The following TLCD4 variants were observed in gnomAD, a reference collection of about 807,000 sequenced individuals.
TLCD4 encodes the protein TLC domain-containing protein 4.
Under a neutral mutation model 24.2 loss-of-function variants are expected in TLCD4, and 7 were observed. The observed-to-expected ratio is 0.29, with a 90% CI of 0.16 to 0.54. The LOEUF is 0.54. TLCD4 is among the 20% of genes least tolerant of loss of function. The pLI is 0.95. For synonymous variants in TLCD4, 103 were observed against 106.4 expected, an observed-to-expected ratio of 0.97 and a Z score of 0.20; for missense variants, 259 against 313.9, an observed-to-expected ratio of 0.82 and a Z score of 1.32.
At chr1:95,122,550 G>A (rs2100902151) in intron 1 of TLCD4, among the ~76,000 whole-genome samples, 2 of 152,208 alleles carry the variant, frequency 1.3e-5, no homozygotes, top group South Asian at 4.1e-4. Flanking sequence ...TTCCTCAGCT[G>A]TCTGGTATTT....
chr1:95,157,782 A>G (rs1381440130), intron 5 of TLCD4, among the ~76,000 whole-genome samples: 4 of 152,242 alleles, frequency 2.6e-5, no homozygotes, highest in African/African-American at 9.6e-5. Flanking sequence ...CAAGAGACCC[A>G]GGAGGAAGCC....
rs976255640 is a variant in TLCD4 at position 95,195,632 on chromosome 1, G to A, written c.*3764G>A. ...TCTCAGGTGCGAGCCAGCATACAGC[G>A]AGACCCTTCATGTGTCTCTGGATGC... is the stretch of plus-strand genomic sequence containing the variant. On this transcript the variant is annotated 3_prime_UTR_variant, in exon 7 of 7. Coordinates refer to ENST00000370203, the MANE Select transcript of TLCD4 (RefSeq NM_152487.3). 2.6e-5 allele frequency: 4 copies of A among 152,112 alleles called. No homozygotes were observed. Among genetic ancestry groups the A allele is most frequent in the Admixed American group, 2.0e-4 (3 of 15,264 alleles). 9.4% of individuals were successfully genotyped at this position (152,112 alleles called of 1,614,324 possible). A position where few individuals can be genotyped will look rare whatever the true frequency, so the allele number is the denominator to read the frequency against.
chr1:95,129,540 G>A (rs552101749), intron 1 of TLCD4, among the ~76,000 whole-genome samples: 3 of 152,130 alleles, frequency 2.0e-5, no homozygotes, highest in African/African-American at 7.2e-5. Flanking sequence ...TCAAGAGTTC[G>A]AGACCAACCT....
rs1042105911 is a variant in TLCD4, at chr1:95,158,192, T to TC, written c.399+6773_399+6774insC. Among the ~76,000 whole-genome samples, 13 of 147,782 alleles carry TC rather than the reference T, an allele frequency of 8.8e-5. 1 individual carries two copies. The highest frequency in any genetic ancestry group is 3.2e-4 in the African/African-American group (13 of 40,630). On this transcript the variant is annotated intron_variant, in intron 5 of 6. Coordinates refer to ENST00000370203, the MANE Select transcript of TLCD4 (RefSeq NM_152487.3). ...CCCCTTGATACTTAATTTTTTCTTT[T>TC]TTTTTTTTTTTTTGAGACAGAGTCT... is the stretch of plus-strand genomic sequence containing the variant.
At chr1:95,117,113 T>C (rs1471505227), upstream of TLCD4, among the ~76,000 whole-genome samples, 3 of 152,194 alleles carry the variant, frequency 2.0e-5, no homozygotes, top group Non-Finnish European at 2.9e-5. Flanking sequence ...GTTCCCCCGC[T>C]GGCAAGTTTT....
chr1:95,189,617 T>C (rs938317138), intron 6 of TLCD4, among the ~76,000 whole-genome samples: 2 of 152,244 alleles, frequency 1.3e-5, no homozygotes, highest in African/African-American at 2.4e-5. Context: ...TACTTTTGCT[T>C]TTTCTAGAAT....
intron 5 of TLCD4, among the ~76,000 whole-genome samples, chr1:95,166,141 T>C (rs1468562270): frequency 6.6e-6 from 1 of 152,134 alleles, no homozygotes; most frequent in African/African-American, 2.4e-5. Context: ...CAGTCCCAGG[T>C]TGCAGTGAGC....
intron 5 of TLCD4, among the ~76,000 whole-genome samples, chr1:95,165,712 C>T (rs1048770139): frequency 2.6e-5 from 4 of 152,134 alleles, no homozygotes; most frequent in African/African-American, 7.2e-5. Context: ...GTGATCCACC[C>T]GCCTCGGCCT....
At chr1:95,124,617 A>G (rs1676659649) in intron 1 of TLCD4, among the ~76,000 whole-genome samples, 1 of 152,180 alleles carries the variant, frequency 6.6e-6, no homozygotes, top group Non-Finnish European at 1.5e-5. Context: ...GGTTTAATCC[A>G]GAAATAGCTT....
rs57190787 is a variant in TLCD4 at position 95,178,563 on chromosome 1, C to CTTTTTTT, written c.473+4691_473+4697dup. On this transcript the variant is annotated intron_variant, in intron 6 of 6. Coordinates refer to ENST00000370203, the MANE Select transcript of TLCD4 (RefSeq NM_152487.3). ...CAGGCGTGAGCCACCATGCCCAGCC[C>CTTTTTTT]TTTTTTTTTTTTTTTTTTTTTTTGA... Among the ~76,000 whole-genome samples the CTTTTTTT allele has an allele frequency of 1.6e-3, 135 of 82,388 alleles. 6 individuals are homozygous for CTTTTTTT. Among genetic ancestry groups the CTTTTTTT allele is most frequent in the East Asian group, 4.7e-3 (12 of 2,572 alleles). 54.0% of individuals were successfully genotyped at this position (82,388 alleles called of 152,430 possible). A position where few individuals can be genotyped will look rare whatever the true frequency, so the allele number is the denominator to read the frequency against.
chr1:95,149,251 G>A (rs768137485), intron 3 of TLCD4, among the ~76,000 whole-genome samples: 4 of 152,136 alleles, frequency 2.6e-5, no homozygotes, highest in Non-Finnish European at 4.4e-5. Context: ...AGGATTTGAA[G>A]CACTAATGCA....
chr1:95,119,255 C>CAGA (rs1676509194), intron 1 of TLCD4, among the ~76,000 whole-genome samples: 1 of 152,174 alleles, frequency 6.6e-6, no homozygotes, highest in African/African-American at 2.4e-5. Flanking sequence ...TCACTGGAGT[C>CAGA]TTCTGAATAG....
intron 1 of TLCD4, among the ~76,000 whole-genome samples, chr1:95,124,161 A>T (rs1230446649): frequency 6.6e-6 from 1 of 152,220 alleles, no homozygotes; most frequent in African/African-American, 2.4e-5. Context: ...GGGATTTTTT[A>T]CAAAGATGCA....
the TLCD4 span, among the ~76,000 whole-genome samples, chr1:95,097,130 C>CA: frequency 6.6e-6 from 1 of 152,014 alleles, no homozygotes; most frequent in Admixed American, 6.6e-5. Context: ...TTTCAGGGTA[C>CA]ATGTGATAAT....
At chr1:95,104,422 T>C in the TLCD4 span, among the ~76,000 whole-genome samples, 498 of 152,116 alleles carry the variant, frequency 3.3e-3, 7 homozygotes, top group Admixed American at 0.028. Context: ...CCCAGCACTT[T>C]GGGAGGCCGA....
the TLCD4 span, among the ~76,000 whole-genome samples, chr1:95,108,204 C>T: frequency 3.9e-5 from 6 of 152,164 alleles, no homozygotes; most frequent in African/African-American, 1.4e-4. Context: ...ATTTGTGTCT[C>T]ATCCTTGCTT....
intron 5 of TLCD4, among the ~76,000 whole-genome samples, chr1:95,169,923 G>A (rs1010554795): frequency 2.6e-5 from 4 of 152,100 alleles, no homozygotes; most frequent in Non-Finnish European, 4.4e-5. Flanking sequence ...ATGACTTTGA[G>A]GAGTCTGCTT....
intron 1 of TLCD4, among the ~76,000 whole-genome samples, chr1:95,135,909 T>C (rs1189519047): frequency 6.6e-6 from 1 of 152,092 alleles, no homozygotes; most frequent in African/African-American, 2.4e-5. Flanking sequence ...TTTGTAGAGA[T>C]GGGGTTTCAC....
chr1:95,099,840 A>AT, the TLCD4 span, among the ~76,000 whole-genome samples: 1 of 151,886 alleles, frequency 6.6e-6, no homozygotes, highest in Non-Finnish European at 1.5e-5. Context: ...AAATCTTATT[A>AT]TCACTATTTG....
Sources: allele counts gnomAD v4.1 joint callset (sites outside exome capture counted in the v4.1 genomes callset), GRCh38; gene constraint gnomAD v4.1.1; transcripts MANE v1.5; gene names NCBI Gene and HGNC (gene_info 2026-07-23, HGNC 2026-07-21).